NCALD: variants seen among roughly 807,000 people sequenced by gnomAD.
NCALD encodes the protein neurocalcin delta.
Under a neutral mutation model 18.6 loss-of-function variants are expected in NCALD, and 10 were observed. The ratio of observed to expected loss-of-function variants is 0.54; its 90% CI spans 0.33 to 0.91. NCALD has a LOEUF of 0.91. NCALD is among the 40% of genes least tolerant of loss of function. NCALD has a pLI of 0.03. For synonymous variants in NCALD, 88 were observed against 87.4 expected (o/e 1.01, Z -0.04); for missense variants, 184 against 247.6 (o/e 0.74, Z 1.72).
chr8:102,089,398 G>GAA (rs575186551), intron 1 of NCALD, among the ~76,000 whole-genome samples: 3 of 124,742 alleles, frequency 2.4e-5, no homozygotes, highest in African/African-American at 8.4e-5. Flanking sequence ...AGTCTCAAAG[G>GAA]AAAAAAAAAA....
chr8:102,081,880 A>G (rs1383842271), intron 1 of NCALD, among the ~76,000 whole-genome samples: 1 of 152,168 alleles, frequency 6.6e-6, no homozygotes, highest in African/African-American at 2.4e-5. Flanking sequence ...AAAGGCAACC[A>G]TTTGGTTTAC....
chr8:101,872,105 C>T, intron 4 of NCALD: 4 of 1,596,626 alleles, frequency 2.5e-6, no homozygotes, highest in Non-Finnish European at 3.4e-6. Context: ...GTTGAATTGG[C>T]TTTGATAAAT....
At chr8:102,086,658 T>A (rs10282941) in intron 1 of NCALD, among the ~76,000 whole-genome samples, 52,598 of 152,004 alleles carry the variant, frequency 0.35, 10,618 homozygotes, top group African/African-American at 0.57. Context: ...CAATCATTTC[T>A]CATGCTCCCA....
At chr8:101,904,886 C>A (rs1016996408) in intron 3 of NCALD, among the ~76,000 whole-genome samples, 1 of 152,124 alleles carries the variant, frequency 6.6e-6, no homozygotes, top group Non-Finnish European at 1.5e-5. Context: ...GCTCCTGGGA[C>A]CAGGATGGTC....
chr8:101,735,590 A>G (rs1423942159), intron 1 of NCALD, among the ~76,000 whole-genome samples: 1 of 152,226 alleles, frequency 6.6e-6, no homozygotes, highest in Non-Finnish European at 1.5e-5. Context: ...AGTATGTCCC[A>G]AATGTTGATG....
chr8:101,878,538 G>C (rs1219723575), intron 4 of NCALD, among the ~76,000 whole-genome samples: 2 of 152,156 alleles, frequency 1.3e-5, no homozygotes, highest in Admixed American at 6.5e-5. Context: ...AATTGTTTTA[G>C]ATTTCTTTTA....
intron 1 of NCALD, among the ~76,000 whole-genome samples, chr8:102,102,878 C>A (rs914273373): frequency 2.0e-5 from 3 of 152,198 alleles, no homozygotes; most frequent in Non-Finnish European, 2.9e-5. Context: ...GGTCCAAGGC[C>A]TGGTCCTCAG....
At chr8:102,124,579 C>T (rs1468972723), upstream of NCALD, 4 of 152,314 alleles carry the variant, frequency 2.6e-5, no homozygotes, top group African/African-American at 9.7e-5. Flanking sequence ...CCGCCCAGGC[C>T]TCTAGCCAGC....
At chr8:102,007,130 T>C (rs1241157879) in intron 2 of NCALD, among the ~76,000 whole-genome samples, 1 of 152,202 alleles carries the variant, frequency 6.6e-6, no homozygotes, top group African/African-American at 2.4e-5. Context: ...TGTAATGTGA[T>C]AGCCTGGATT....
chr8:101,940,961 T>TTTAA (rs1818934949), intron 2 of NCALD, among the ~76,000 whole-genome samples: 1 of 152,180 alleles, frequency 6.6e-6, no homozygotes, highest in Admixed American at 6.5e-5. Flanking sequence ...GAATGCTTAT[T>TTTAA]AAAAGGATTT....
intron 2 of NCALD, among the ~76,000 whole-genome samples, chr8:101,980,464 G>A (rs977726440): frequency 2.0e-5 from 3 of 152,156 alleles, no homozygotes; most frequent in Admixed American, 1.3e-4. Context: ...CCCACGCTTC[G>A]CAAGAGAAAG....
At chr8:101,905,266 T>TCTC in intron 3 of NCALD, among the ~76,000 whole-genome samples, 1 of 147,868 alleles carries the variant, frequency 6.8e-6, no homozygotes, top group Admixed American at 6.7e-5. Flanking sequence ...AGCACCAATC[T>TCTC]CTCTCCTCTC....
intron 4 of NCALD, among the ~76,000 whole-genome samples, chr8:101,862,362 T>C (rs1815577951): frequency 1.3e-5 from 2 of 152,228 alleles, no homozygotes; most frequent in Non-Finnish European, 2.9e-5. Context: ...CAACCAAGTT[T>C]GAGGCCACAG....
At chr8:101,791,363 G>A (rs903809273), upstream of NCALD, among the ~76,000 whole-genome samples, 2 of 152,046 alleles carry the variant, frequency 1.3e-5, no homozygotes, top group African/African-American at 4.8e-5. Context: ...ATAACAAAAG[G>A]AAAGAAACTG....
intron 1 of NCALD, among the ~76,000 whole-genome samples, chr8:102,065,639 A>G (rs566905173): frequency 3.2e-4 from 48 of 152,282 alleles, no homozygotes; most frequent in African/African-American, 9.4e-4. Flanking sequence ...GGAATTTGCT[A>G]TTGGAGGCAT....
intron 2 of NCALD, among the ~76,000 whole-genome samples, chr8:101,706,049 T>G (rs1019566989): frequency 6.6e-6 from 1 of 152,206 alleles, no homozygotes; most frequent in Non-Finnish European, 1.5e-5. Context: ...AGTAAAGGCC[T>G]CTTTGGAGGG....
At chr8:101,979,439 T>C (rs1317905029) in intron 2 of NCALD, among the ~76,000 whole-genome samples, 2 of 152,128 alleles carry the variant, frequency 1.3e-5, no homozygotes, top group Admixed American at 6.5e-5. Context: ...TCGGCAAATA[T>C]GCATGAGAAA....
chr8:102,000,967 G>T (rs894176400), intron 2 of NCALD, among the ~76,000 whole-genome samples: 1 of 152,226 alleles, frequency 6.6e-6, no homozygotes, highest in Non-Finnish European at 1.5e-5. Flanking sequence ...AAATCAGAGT[G>T]CCTCTCCTCC....
intron 2 of NCALD, among the ~76,000 whole-genome samples, chr8:101,705,892 T>C (rs925105366): frequency 1.3e-5 from 2 of 152,214 alleles, no homozygotes; most frequent in Admixed American, 1.3e-4. Flanking sequence ...ATCAGATTCA[T>C]GGGCTAAATA....
Sources: gnomAD v4.1 joint callset for allele counts (sites outside exome capture counted in the v4.1 genomes callset) on GRCh38, gnomAD v4.1.1 for gene constraint, MANE v1.5 for transcripts, NCBI Gene and HGNC (gene_info 2026-07-23, HGNC 2026-07-21) for gene names.